GABBR2: variants seen among roughly 807,000 people sequenced by gnomAD.
GABBR2 encodes gamma-aminobutyric acid type B receptor subunit 2.
A neutral mutation model predicts 105.6 loss-of-function variants in GABBR2; 23 were observed. That is an observed-to-expected ratio of 0.22 (90% CI 0.16 to 0.31). The LOEUF (loss-of-function observed/expected upper bound fraction) is 0.31. GABBR2 is among the 10% of genes least tolerant of loss of function. The pLI is 1.00. For missense variants in GABBR2, 734 were observed against 1,245.5 expected (o/e 0.59, Z 6.18); for synonymous variants, 478 against 499.7 (o/e 0.96, Z 0.58).
intron 1 of GABBR2, among the ~76,000 whole-genome samples, chr9:98,588,678 A>G (rs1564123429): frequency 6.6e-6 from 1 of 152,244 alleles, no homozygotes; most frequent in African/African-American, 2.4e-5. Context: ...TCCAGAGTCC[A>G]TGCTCCATCA....
chr9:98,562,224 T>A (rs1828683177), intron 2 of GABBR2, among the ~76,000 whole-genome samples: 1 of 152,054 alleles, frequency 6.6e-6, no homozygotes, highest in Non-Finnish European at 1.5e-5. Flanking sequence ...AATCTAATCA[T>A]GAGGAAACAA....
chr9:98,687,234 G>C (rs337530), intron 1 of GABBR2, among the ~76,000 whole-genome samples: 1 of 151,268 alleles, frequency 6.6e-6, no homozygotes, highest in African/African-American at 2.4e-5. Context: ...TACAGCCAAG[G>C]GGCAGGGTGG....
intron 13 of GABBR2, among the ~76,000 whole-genome samples, chr9:98,316,622 C>G (rs563173300): frequency 1.3e-5 from 2 of 152,312 alleles, no homozygotes; most frequent in African/African-American, 2.4e-5. Context: ...TCATGGCTCT[C>G]CCATTCCAGT....
chr9:98,382,843 T>C (rs1242382492), intron 11 of GABBR2, among the ~76,000 whole-genome samples: 3 of 152,216 alleles, frequency 2.0e-5, no homozygotes, highest in African/African-American at 7.2e-5. Context: ...CATGCTGATG[T>C]AGGAATATCA....
chr9:98,634,592 C>G (rs765800610), intron 1 of GABBR2, among the ~76,000 whole-genome samples: 12 of 152,180 alleles, frequency 7.9e-5, no homozygotes, highest in Non-Finnish European at 1.3e-4. Flanking sequence ...CAAGGAGGAT[C>G]CTGCCCTAGT....
chr9:98,704,124 C>A (rs887384602), intron 1 of GABBR2, among the ~76,000 whole-genome samples: 3 of 152,226 alleles, frequency 2.0e-5, no homozygotes, highest in Admixed American at 6.5e-5. Flanking sequence ...CACCTTTCTG[C>A]AGCATCAACA....
chr9:98,650,804 G>A (rs1234181913), intron 1 of GABBR2, among the ~76,000 whole-genome samples: 1 of 152,192 alleles, frequency 6.6e-6, no homozygotes, highest in Admixed American at 6.6e-5. Flanking sequence ...GAGTTTTGAA[G>A]ATACTGTGTT....
intron 8 of GABBR2, among the ~76,000 whole-genome samples, chr9:98,395,688 G>C (rs1020158615): frequency 6.6e-6 from 1 of 152,150 alleles, no homozygotes; most frequent in African/African-American, 2.4e-5. Context: ...GCCACAGAGA[G>C]GCTGGGAGAA....
Position 98,539,319 on chromosome 9 carries a change from T to G in GABBR2, c.630+2554A>C, listed in dbSNP as rs565039062. Among the ~76,000 whole-genome samples, 42 of 152,292 alleles carry G rather than the reference T, an allele frequency of 2.8e-4. 1 individual carries two copies. The highest frequency in any genetic ancestry group is 2.5e-3 in the Admixed American group (39 of 15,300). ...ATGTCAGGGCTCACAATTTACCCCC[T>G]TTAGAACCAGTCTGGTGGGAATTTC... On this transcript the variant is annotated intron_variant, in intron 3 of 18. Coordinates refer to ENST00000259455, the MANE Select transcript of GABBR2 (RefSeq NM_005458.8).
In GABBR2 at chr9:98,503,455, T is replaced by C. The variant is rs554339934; in HGVS notation, c.631-6941A>G. Among the ~76,000 whole-genome samples the C allele has an allele frequency of 1.8e-4, 28 of 152,058 alleles. No homozygotes were observed. In the East Asian group the frequency reaches 4.7e-3, roughly 25 times the overall value. The stretch of plus-strand genomic sequence containing the variant: ...TATTAGAACTATGATTTGAGACAGT[T>C]GCTCAGGCTTCTGTGGGACCTCTGA... On this transcript the variant is annotated intron_variant, in intron 3 of 18. Coordinates refer to ENST00000259455, the MANE Select transcript of GABBR2 (RefSeq NM_005458.8).
intron 1 of GABBR2, among the ~76,000 whole-genome samples, chr9:98,592,493 G>A: frequency 6.6e-6 from 1 of 152,168 alleles, no homozygotes; most frequent in East Asian, 1.9e-4. Context: ...TAACAGAGGA[G>A]GAAAGACAGG....
At chr9:98,455,126 A>G (rs1826303641) in intron 6 of GABBR2, among the ~76,000 whole-genome samples, 2 of 152,200 alleles carry the variant, frequency 1.3e-5, no homozygotes, top group Admixed American at 6.5e-5. Context: ...TCCATAATAT[A>G]ACAGTCCGAA....
chr9:98,609,504 G>A (rs541690847), intron 1 of GABBR2, among the ~76,000 whole-genome samples: 1 of 152,130 alleles, frequency 6.6e-6, no homozygotes, highest in Non-Finnish European at 1.5e-5. Flanking sequence ...TTCATTGGGT[G>A]ATTTTTCCAC....
At chr9:98,398,257 A>G (rs941401451) in intron 8 of GABBR2, among the ~76,000 whole-genome samples, 5 of 152,174 alleles carry the variant, frequency 3.3e-5, no homozygotes, top group African/African-American at 1.2e-4. Context: ...ACTCTGGGGT[A>G]TGAAACAAAA....
chr9:98,599,804 A>G (rs1021401958), intron 1 of GABBR2, among the ~76,000 whole-genome samples: 1 of 152,230 alleles, frequency 6.6e-6, no homozygotes, highest in Non-Finnish European at 1.5e-5. Flanking sequence ...AGAGGGGGAC[A>G]GCACAGTGTC....
At chr9:98,492,325 A>G (rs2131664599) in intron 4 of GABBR2, among the ~76,000 whole-genome samples, 1 of 112,768 alleles carries the variant, frequency 8.9e-6, no homozygotes, top group East Asian at 3.2e-4. Flanking sequence ...GTCTGTCTTG[A>G]GCCCGCTTAA....
chr9:98,369,751 G>T (rs1344867693), intron 12 of GABBR2, among the ~76,000 whole-genome samples: 4 of 151,886 alleles, frequency 2.6e-5, no homozygotes, highest in African/African-American at 9.7e-5. Flanking sequence ...TGCAGAGGAG[G>T]TGTTGGTAAA....
chr9:98,387,807 A>C (rs777517152), intron 10 of GABBR2, among the ~76,000 whole-genome samples: 2 of 151,876 alleles, frequency 1.3e-5, no homozygotes, highest in Non-Finnish European at 2.9e-5. Context: ...TAATTAATTA[A>C]TTAATTAAAA....
intron 1 of GABBR2, among the ~76,000 whole-genome samples, chr9:98,623,083 C>G (rs1829690609): frequency 6.6e-6 from 1 of 152,124 alleles, no homozygotes; most frequent in Non-Finnish European, 1.5e-5. Context: ...CTACTTTCCT[C>G]TCATTTTTGT....
Sources: gnomAD v4.1 joint callset for allele counts (sites outside exome capture counted in the v4.1 genomes callset) on GRCh38, gnomAD v4.1.1 for gene constraint, MANE v1.5 for transcripts, NCBI Gene and HGNC (gene_info 2026-07-23, HGNC 2026-07-21) for gene names.